Variants in SMIM22 observed in about 807,000 individuals in gnomAD.
SMIM22 encodes the protein small integral membrane protein 22.
A neutral mutation model predicts 8.4 loss-of-function variants in SMIM22; 16 were observed. The ratio of observed to expected loss-of-function variants is 1.90; its 90% CI spans 1.29 to 2.89. The LOEUF is 2.89. Among genes scored for constraint, SMIM22 ranks in the 30% most tolerant of loss-of-function variants. SMIM22 has a pLI of 0.00. For missense variants in SMIM22, 159 were observed against 107.5 expected (o/e 1.48, Z -2.12); for synonymous variants, 67 against 47.6 (o/e 1.41, Z -1.68).
rs1198741195 is a variant in SMIM22 at position 4,795,403 on chromosome 16, T to G, written c.-67T>G. On this transcript the variant is annotated 5_prime_UTR_variant, in exon 1 of 4. Coordinates refer to ENST00000586005, the MANE Select transcript of SMIM22 (RefSeq NM_001253794.2). ...GGAGCCGGAAGCAGGAAGCAGCCTG[T>G]GCTCCCCAGGACCTGCCTGGTTGGG... 1.3e-5 allele frequency: 4 copies of G among 300,876 alleles called. No individual in the cohort carries two copies. The highest frequency in any genetic ancestry group is 9.6e-5 in the Admixed American group (2 of 20,726). The allele number at this position is 300,876 out of a possible 1,614,324, so 18.6% of individuals were successfully genotyped here. A position where few individuals can be genotyped will look rare whatever the true frequency, so the allele number is the denominator to read the frequency against.
rs961711738 is a variant in SMIM22 at position 4,795,671 on chromosome 16, G to C, written c.-20-44G>C. ...GAAGCCTGGATGTGGTCCCCGCTGA[G>C]CTGAGCCCAGGATCCTGATGCAGCC... On this transcript the variant is annotated intron_variant, in intron 1 of 3. Transcript: ENST00000586005. The C allele has an allele frequency of 2.0e-4, 299 of 1,522,944 alleles. 2 individuals carry two copies. The highest frequency in any genetic ancestry group is 8.2e-4 in the Admixed American group (41 of 49,850). 94.3% of individuals were successfully genotyped at this position (1,522,944 alleles called of 1,614,324 possible).
chr16:4,793,626 G>A (rs973811174), upstream of SMIM22, among the ~76,000 whole-genome samples: 2 of 152,176 alleles, frequency 1.3e-5, no homozygotes, highest in Admixed American at 1.3e-4. Context: ...CGTATCCACA[G>A]GTTCCACATC....
chr16:4,790,827 T>C (rs1163667101), upstream of SMIM22, among the ~76,000 whole-genome samples: 1 of 151,956 alleles, frequency 6.6e-6, no homozygotes, highest in African/African-American at 2.4e-5. Context: ...AGTAAATAAA[T>C]AAAGGCTTAG....
upstream of SMIM22, among the ~76,000 whole-genome samples, chr16:4,793,869 T>C (rs1192749696): frequency 6.6e-6 from 1 of 151,298 alleles, no homozygotes; most frequent in African/African-American, 2.4e-5. Flanking sequence ...CTCTGCCTCC[T>C]GGGTTCAAGC....
At chr16:4,789,306 CTTTT>C (rs980508622) in intron 2 of SMIM22, among the ~76,000 whole-genome samples, 1 of 150,858 alleles carries the variant, frequency 6.6e-6, no homozygotes, top group Non-Finnish European at 1.5e-5. Flanking sequence ...CATGCCTGGC[CTTTT>C]TTTTTCTTTT....
In SMIM22 at chr16:4,795,972, T is replaced by C. The variant is rs1427770818; in HGVS notation, c.149T>C (p.Leu50Pro). ...FMGTVLLLLL[L>P]VVAHCCCCSS... ...GGCACCGTGCTGCTCCTGCTGCTGC[T>C]GGTCGTCGCCCACTGCTGCTGCTGC... Residue 50 changes from leucine (L) to proline (P), a missense_variant, in exon 3 of 4, where the codon CTG (leucine) becomes CCG (proline). By Grantham distance (98) the Leu-to-Pro change is moderately conservative. Coordinates refer to ENST00000586005, the MANE Select transcript of SMIM22 (RefSeq NM_001253794.2). The C allele has an allele frequency of 4.0e-6, 6 of 1,505,506 alleles. No homozygotes were observed. The highest frequency in any genetic ancestry group is 1.4e-5 in the African/African-American group (1 of 72,354). 93.3% of individuals were successfully genotyped at this position (1,505,506 alleles called of 1,614,324 possible).
At chr16:4,792,869 G>A (rs2082573778), upstream of SMIM22, among the ~76,000 whole-genome samples, 1 of 151,304 alleles carries the variant, frequency 6.6e-6, no homozygotes. Context: ...TAGCACTTTG[G>A]GAGGCCAAGG....
upstream of SMIM22, among the ~76,000 whole-genome samples, chr16:4,793,359 G>A (rs2082582472): frequency 2.0e-5 from 3 of 152,180 alleles, no homozygotes; most frequent in Admixed American, 2.0e-4. Flanking sequence ...AAGCCACAGA[G>A]TTTGTGGTAG....
rs938352864 is a variant in SMIM22 at position 4,796,296 on chromosome 16, T to C, written c.*65T>C. On this transcript the variant is annotated 3_prime_UTR_variant, in exon 4 of 4. Transcript: ENST00000586005. Reference sequence around the variant, plus strand: ...GTCTGCCCAGAGCCTGAGTCTGCAGTGTCTTCCAGTCCCCGTCTGGGTGGG... The same window carrying C: ...GTCTGCCCAGAGCCTGAGTCTGCAGCGTCTTCCAGTCCCCGTCTGGGTGGG... 1 of 1,517,516 alleles carries C rather than the reference T, an allele frequency of 6.6e-7. No individual in the cohort carries two copies. Among genetic ancestry groups the C allele is most frequent in the African/African-American group, 1.4e-5 (1 of 72,660 alleles). The allele number at this position is 1,517,516 out of a possible 1,614,324, so 94.0% of individuals were successfully genotyped here.
upstream of SMIM22, among the ~76,000 whole-genome samples, chr16:4,794,008 T>G (rs1462258749): frequency 6.6e-6 from 1 of 152,222 alleles, no homozygotes; most frequent in African/African-American, 2.4e-5. Context: ...TGATCTTGGC[T>G]CACTACAGGC....
chr16:4,795,671 G>A, intron 1 of SMIM22, 44 bp from the exon 2 acceptor site: 4 of 1,523,060 alleles, frequency 2.6e-6, no homozygotes, highest in African/African-American at 1.4e-5. Flanking sequence ...TCCCCGCTGA[G>A]CTGAGCCCAG....
Position 4,795,433 on chromosome 16 carries a change from T to G in SMIM22, c.-37T>G. 7.9e-6 allele frequency: 3 copies of G among 381,610 alleles called. No homozygotes were observed. The highest frequency in any genetic ancestry group is 9.7e-6 in the Non-Finnish European group (2 of 206,896). The allele number at this position is 381,610 out of a possible 1,614,324, so 23.6% of individuals were successfully genotyped here. A position where few individuals can be genotyped will look rare whatever the true frequency, so the allele number is the denominator to read the frequency against. On this transcript the variant is annotated 5_prime_UTR_variant, in exon 1 of 4. Coordinates refer to ENST00000586005, the MANE Select transcript of SMIM22 (RefSeq NM_001253794.2). ...CCCAGGACCTGCCTGGTTGGGGGAA[T>G]TGGAGGCTTCTAGGAGGTAGGTGGG...
chr16:4,795,488 G>T, intron 1 of SMIM22, 39 bp downstream of exon 1: 1 of 555,040 alleles, frequency 1.8e-6, no homozygotes, highest in Non-Finnish European at 3.1e-6. Context: ...CAGGGGGAGA[G>T]AGAGGGGAGA....
At chr16:4,792,041 AC>A (rs1318453719), upstream of SMIM22, among the ~76,000 whole-genome samples, 1 of 151,872 alleles carries the variant, frequency 6.6e-6, no homozygotes, top group Non-Finnish European at 1.5e-5. Flanking sequence ...AGAGATAGAT[AC>A]GACTTTCATA....
At chr16:4,794,354 G>A (rs1211147249), upstream of SMIM22, among the ~76,000 whole-genome samples, 1 of 151,936 alleles carries the variant, frequency 6.6e-6, no homozygotes, top group Non-Finnish European at 1.5e-5. Flanking sequence ...TGATCCGCCT[G>A]CCTCGGCCTC....
rs2082629305 is a variant in SMIM22 at position 4,795,759 on chromosome 16, G to T, written c.25G>T (p.Glu9Ter). MAVSTEEL[E>*]ATVQEVLGRL... ...GATGGCTGTGTCCACAGAGGAGCTG[G>T]AGGCCACGGTTCAGGAAGTCCTGGG... The change falls in exon 2 of 4, where the codon GAG becomes TAG. Residue 9 changes from glutamate to a stop codon, truncating the protein, a stop_gained. Coordinates refer to ENST00000586005, the MANE Select transcript of SMIM22 (RefSeq NM_001253794.2). LOFTEE classifies it high-confidence loss of function. 1 of 1,535,926 alleles carries T rather than the reference G, an allele frequency of 6.5e-7. No individual in the cohort carries two copies. Among genetic ancestry groups the T allele is most frequent in the Non-Finnish European group, 8.7e-7 (1 of 1,146,814 alleles).
At chr16:4,789,599 T>A (rs1336488671) in intron 2 of SMIM22, among the ~76,000 whole-genome samples, 1 of 152,184 alleles carries the variant, frequency 6.6e-6, no homozygotes, top group East Asian at 1.9e-4. Context: ...GTGCTGGGAT[T>A]ACAGGCGTTA....
chr16:4,793,490 T>C (rs1396105662), upstream of SMIM22, among the ~76,000 whole-genome samples: 1 of 152,168 alleles, frequency 6.6e-6, no homozygotes, highest in Admixed American at 6.6e-5. Context: ...ACTTTAGGAT[T>C]GCTATGAGGA....
In SMIM22 at chr16:4,796,194, GA is replaced by G. The variant is rs2082642187; in HGVS notation, c.231del (p.Arg77SerfsTer22). The G allele has an allele frequency of 6.5e-7, 1 of 1,535,938 alleles. No individual in the cohort carries two copies. The highest frequency in any genetic ancestry group is 1.4e-5 in the African/African-American group (1 of 73,038). ...SPRKVSPWKE[R>X]PKGVDNLALE... ...CCCGCTGTGCTTCTCGTGCAGGAAAGACCCAAGGGAGTGGATAACTTGGCCC... is the reference window on the plus strand; with the variant it reads ...CCCGCTGTGCTTCTCGTGCAGGAAAGCCCAAGGGAGTGGATAACTTGGCCC... On this transcript the variant is annotated frameshift_variant, in exon 4 of 4. Transcript: ENST00000586005. LOFTEE classifies it high-confidence loss of function.
Sources: gnomAD v4.1 joint callset for allele counts (sites outside exome capture counted in the v4.1 genomes callset) on GRCh38, gnomAD v4.1.1 for gene constraint, MANE v1.5 for transcripts, NCBI Gene and HGNC (gene_info 2026-07-23, HGNC 2026-07-21) for gene names.